The following ADHFE1 variants were observed in gnomAD, a reference collection of about 807,000 sequenced individuals.
ADHFE1 encodes the protein hydroxyacid-oxoacid transhydrogenase, mitochondrial.
ADHFE1 carries 37 observed loss-of-function variants against 54.8 expected under a neutral mutation model. The observed-to-expected ratio is 0.68, with a 90% CI of 0.52 to 0.89. The LOEUF (loss-of-function observed/expected upper bound fraction) is 0.89, where lower values mean the gene tolerates loss of function less well. Ranked by LOEUF, ADHFE1 falls within the 40% of genes least tolerant of loss-of-function variation. The pLI is 0.00. For missense variants in ADHFE1, 601 were observed against 591.2 expected, an observed-to-expected ratio of 1.02 and a Z score of -0.17; for synonymous variants, 203 against 229.3, an observed-to-expected ratio of 0.89 and a Z score of 1.04.
chr8:66,463,880 T>C (rs539623891), intron 13 of ADHFE1, among the ~76,000 whole-genome samples: 1 of 152,342 alleles, frequency 6.6e-6, no homozygotes, highest in African/African-American at 2.4e-5. Flanking sequence ...CAGCCCATAC[T>C]GGTGGCAGCT....
intron 6 of ADHFE1, among the ~76,000 whole-genome samples, chr8:66,446,145 G>A (rs910311297): frequency 6.6e-6 from 1 of 152,168 alleles, no homozygotes; most frequent in South Asian, 2.1e-4. Flanking sequence ...CTTGTGATGG[G>A]ATGTGAGTAA....
intron 5 of ADHFE1, 150 bp downstream of exon 5, chr8:66,444,898 C>A: frequency 1.0e-6 from 1 of 955,460 alleles, no homozygotes; most frequent in Non-Finnish European, 1.6e-6. Context: ...GTCAGGAGTT[C>A]GAGACCAGTA....
rs1479845445 is a variant in ADHFE1 at position 66,442,359 on chromosome 8, G to A, written c.98-439G>A. ...GGGGTCTCACTCTGTTGTCCAGGCTGGAGTGCAGTGGCGCGATCTCGGCTC... is the reference window on the plus strand; with the variant it reads ...GGGGTCTCACTCTGTTGTCCAGGCTAGAGTGCAGTGGCGCGATCTCGGCTC... On this transcript the variant is annotated intron_variant, in intron 2 of 13. Transcript: ENST00000396623. Among the ~76,000 whole-genome samples, 4 of 142,086 alleles carry A rather than the reference G, an allele frequency of 2.8e-5. No individual in the cohort carries two copies. In the East Asian group the frequency reaches 6.3e-4, roughly 22 times the overall value. The allele number at this position is 142,086 out of a possible 152,430, so 93.2% of individuals were successfully genotyped here. A position where few individuals can be genotyped will look rare whatever the true frequency, so the allele number is the denominator to read the frequency against.
In ADHFE1 at chr8:66,447,288, G is replaced by C. The variant is rs758710831; in HGVS notation, c.575G>C (p.Ser192Thr). The part of the protein sequence containing the change: ...IAVPTTSGTG[S>T]ETTGVAIFDY... ...GTGCCAACTACCTCAGGAACCGGGA[G>C]TGAAACTACTGGGGTTGCCATTTTT... Residue 192 changes from serine to threonine, a missense_variant, in exon 7 of 14, where the codon AGT (serine) becomes ACT (threonine). Transcript: ENST00000396623. 1 of 1,613,316 alleles carries C rather than the reference G, an allele frequency of 6.2e-7. No homozygotes were observed. Among genetic ancestry groups the C allele is most frequent in the African/African-American group, 1.3e-5 (1 of 74,904 alleles).
chr8:66,453,962 CT>C (rs564101215), intron 9 of ADHFE1, 96 bp from the exon 10 acceptor site: 66 of 1,531,694 alleles, frequency 4.3e-5, no homozygotes, highest in African/African-American at 1.5e-4. Flanking sequence ...AGTAGCATTT[CT>C]TTTTTTTTCA....
intron 5 of ADHFE1, 51 bp from the exon 6 acceptor site, chr8:66,445,167 A>G (rs1167489872): frequency 1.3e-6 from 2 of 1,511,702 alleles, no homozygotes; most frequent in South Asian, 2.5e-5. Flanking sequence ...TGGCATGGCA[A>G]TTTATTTCTG....
chr8:66,433,762 G>A (rs1490592687), intron 1 of ADHFE1, among the ~76,000 whole-genome samples: 2 of 152,206 alleles, frequency 1.3e-5, no homozygotes, highest in East Asian at 3.8e-4. Context: ...GGCCAAATAA[G>A]TTTGAGAAGC....
chr8:66,453,530 G>A (rs1421465317), intron 9 of ADHFE1, among the ~76,000 whole-genome samples: 1 of 152,216 alleles, frequency 6.6e-6, no homozygotes, highest in East Asian at 1.9e-4. Context: ...GACACCCAGA[G>A]CAAGCTAAGG....
intron 10 of ADHFE1, among the ~76,000 whole-genome samples, chr8:66,456,399 T>C (rs1806585091): frequency 6.6e-6 from 1 of 152,200 alleles, no homozygotes; most frequent in Non-Finnish European, 1.5e-5. Flanking sequence ...CAGCACATCC[T>C]GACTCACAAA....
intron 9 of ADHFE1, among the ~76,000 whole-genome samples, chr8:66,453,005 G>A (rs535942932): frequency 3.6e-4 from 55 of 152,378 alleles, no homozygotes; most frequent in Non-Finnish European, 6.3e-4. Context: ...CCTTGGAATT[G>A]CATTTGTAGC....
intron 10 of ADHFE1, among the ~76,000 whole-genome samples, chr8:66,455,675 G>A (rs1806543953): frequency 6.6e-6 from 1 of 152,226 alleles, no homozygotes; most frequent in Non-Finnish European, 1.5e-5. Context: ...CCAACAATGG[G>A]AAGCCGAGTT....
rs1806080260 is a variant in ADHFE1 at position 66,447,246 on chromosome 8, A to G, written c.551-18A>G. ...TTTATTTAGATGCTTTATTAAAATT[A>G]ATATTATTTTGTTCAAGTGCCAACT... On this transcript the variant is annotated intron_variant, in intron 6 of 13. Transcript: ENST00000396623. The G allele has an allele frequency of 6.2e-7, 1 of 1,605,196 alleles. No homozygotes were observed. The highest frequency in any genetic ancestry group is 8.5e-7 in the Non-Finnish European group (1 of 1,173,176).
At chr8:66,444,530 G>A in intron 4 of ADHFE1, 64 bp from the exon 5 acceptor site, 2 of 1,609,028 alleles carry the variant, frequency 1.2e-6, no homozygotes, top group Admixed American at 3.4e-5. Context: ...TACAACGTGA[G>A]TTTGCCAGAA....
Position 66,454,119 on chromosome 8 carries a change from T to C in ADHFE1, c.948T>C (p.Phe316=), listed in dbSNP as rs772698481. 11 of 1,614,112 alleles carry C rather than the reference T, an allele frequency of 6.8e-6. No homozygotes were observed. The East Asian group carries it at 2.0e-4, about 29-fold the overall frequency. The change falls in exon 10 of 14, where the codon TTT becomes TTC. Residue 316 remains phenylalanine (F), a synonymous_variant. Transcript: ENST00000396623. The part of the protein sequence containing the change: ...ARSHMHLASA[F]AGIGFGNAGV... ...CTCATATGCACTTGGCAAGTGCTTT[T>C]GCTGGCATCGGCTTTGGAAATGCTG...
chr8:66,457,007 C>G, intron 11 of ADHFE1, 63 bp from the exon 12 acceptor site: 1 of 1,554,582 alleles, frequency 6.4e-7, no homozygotes, highest in Non-Finnish European at 8.8e-7. Context: ...AACTTAACAT[C>G]TAGAATATGC....
At position 66,452,080 on chromosome 8, in the gene ADHFE1, C is replaced by T. The variant is rs768770100; in HGVS notation, c.862C>T (p.Arg288Trp). The change falls in exon 9 of 14, where the codon CGG (arginine) becomes TGG (tryptophan). Residue 288 changes from arginine (R) to tryptophan (W), a missense_variant. Transcript: ENST00000396623. ...TGACATTTGGGCTATCCACGCGCTG[C>T]GGATCGTGGCTAAGTATCTGAAGAG... ...ISDIWAIHAL[R>W]IVAKYLKRAV... The T allele has an allele frequency of 9.9e-6, 16 of 1,613,966 alleles. No individual in the cohort carries two copies. The highest frequency in any genetic ancestry group is 5.3e-5 in the African/African-American group (4 of 74,916).
chr8:66,439,836 T>C lies in ADHFE1; in HGVS notation c.60-326T>C. 1 of 1,056,474 alleles carries C rather than the reference T, an allele frequency of 9.5e-7. No homozygotes were observed. Among genetic ancestry groups the C allele is most frequent in the Non-Finnish European group, 1.2e-6 (1 of 846,774 alleles). 65.4% of individuals were successfully genotyped at this position (1,056,474 alleles called of 1,614,324 possible). On this transcript the variant is annotated intron_variant, in intron 1 of 13. Transcript: ENST00000396623. This position sits in a 1 kb window ranked among gnomAD's most constrained non-coding sequence, Gnocchi z 4.4. ...TAACCCAGTAAGAGCTGGGGCTTCA[T>C]GGAGACCAGAGACCCCCATCTTAAA...
intron 13 of ADHFE1, among the ~76,000 whole-genome samples, 181 bp from the exon 14 acceptor site, chr8:66,468,088 G>T (rs986037685): frequency 2.3e-4 from 35 of 152,160 alleles, no homozygotes; most frequent in African/African-American, 8.4e-4. Context: ...AAAGAGGTAT[G>T]ATGTGATAAA....
intron 1 of ADHFE1, among the ~76,000 whole-genome samples, chr8:66,435,086 T>G (rs1805395832): frequency 6.6e-6 from 1 of 152,006 alleles, no homozygotes; most frequent in Admixed American, 6.5e-5. Flanking sequence ...GCACAGGGGA[T>G]AGATGACAAA....
Sources: gnomAD v4.1 joint callset for allele counts (sites outside exome capture counted in the v4.1 genomes callset) on GRCh38, gnomAD v4.1.1 for gene constraint, Gnocchi (gnomAD v3.1) non-coding constraint, MANE v1.5 for transcripts, NCBI Gene and HGNC (gene_info 2026-07-23, HGNC 2026-07-21) for gene names.